The following STARD13 variants were observed in gnomAD, a reference collection of about 807,000 sequenced individuals.
STARD13 encodes the protein stAR-related lipid transfer protein 13.
A neutral mutation model predicts 106.4 loss-of-function variants in STARD13; 62 were observed. The observed-to-expected ratio is 0.58, with a 90% CI of 0.48 to 0.72. The LOEUF is 0.72. Among genes scored for constraint, STARD13 ranks in the 30% least tolerant of loss-of-function variants. The pLI, the probability that STARD13 is intolerant of heterozygous loss-of-function variation, is 0.00. For missense variants in STARD13, 1,387 were observed against 1,424.0 expected (o/e 0.97, Z 0.42); for synonymous variants, 565 against 553.0 (o/e 1.02, Z -0.31).
chr13:33,383,751 T>C, the STARD13 span: 6 of 89,990 alleles, frequency 6.7e-5, no homozygotes, highest in East Asian at 1.8e-3. Flanking sequence ...AGTGAGACTG[T>C]CTCAAAAAAA....
At chr13:33,449,066 C>G in the STARD13 span, among the ~76,000 whole-genome samples, 1 of 151,174 alleles carries the variant, frequency 6.6e-6, no homozygotes, top group Non-Finnish European at 1.5e-5. Context: ...GTTCTATTGT[C>G]CTAAAATGCT....
the STARD13 span, among the ~76,000 whole-genome samples, chr13:33,617,470 T>A: frequency 9.2e-5 from 14 of 152,368 alleles, no homozygotes; most frequent in Admixed American, 2.0e-4. Flanking sequence ...CACACTGTAC[T>A]ACAATAAATC....
chr13:33,180,124 C>T (rs1885085881), intron 1 of STARD13, among the ~76,000 whole-genome samples: 2 of 152,154 alleles, frequency 1.3e-5, no homozygotes, highest in Admixed American at 6.5e-5. Context: ...CTCAGGAAGC[C>T]ATGCTTCACA....
intron 1 of STARD13, among the ~76,000 whole-genome samples, chr13:33,175,276 T>G (rs1028552659): frequency 1.4e-4 from 22 of 152,156 alleles, no homozygotes; most frequent in Admixed American, 2.0e-4. Flanking sequence ...ATCCCCAGCT[T>G]TTTGAAGTTG....
At chr13:33,350,714 C>T (rs1335558262), upstream of STARD13, 6 of 1,037,688 alleles carry the variant, frequency 5.8e-6, no homozygotes, top group Middle Eastern at 4.1e-4. Context: ...CTCCTCCACT[C>T]CCCTCCCTCC....
chr13:33,363,306 T>A, the STARD13 span, among the ~76,000 whole-genome samples: 3 of 152,322 alleles, frequency 2.0e-5, no homozygotes, highest in East Asian at 5.8e-4. Flanking sequence ...AGAGCTATTT[T>A]ATTTCTTAGT....
chr13:33,279,599 C>T (rs1002004227), intron 1 of STARD13: 3 of 152,222 alleles, frequency 2.0e-5, no homozygotes, highest in Non-Finnish European at 2.9e-5. Context: ...ACACCCTGTG[C>T]TACTGTGTCA....
the STARD13 span, among the ~76,000 whole-genome samples, chr13:33,432,755 A>G: frequency 6.6e-6 from 1 of 152,152 alleles, no homozygotes; most frequent in African/African-American, 2.4e-5. Flanking sequence ...TAATGTTTGT[A>G]TTTTCTTTAA....
the STARD13 span, among the ~76,000 whole-genome samples, chr13:33,557,983 T>C: frequency 6.6e-6 from 1 of 152,048 alleles, no homozygotes. Flanking sequence ...CACAAGGGAG[T>C]AAGCTGCCAT....
At chr13:33,639,935 T>C in the STARD13 span, among the ~76,000 whole-genome samples, 1 of 152,222 alleles carries the variant, frequency 6.6e-6, no homozygotes, top group Non-Finnish European at 1.5e-5. Flanking sequence ...GAAACTTTGT[T>C]AAATTGTACT....
the STARD13 span, among the ~76,000 whole-genome samples, chr13:33,580,947 T>TA: frequency 8.5e-5 from 13 of 152,176 alleles, no homozygotes; most frequent in Admixed American, 7.9e-4. Flanking sequence ...AGAATATTCT[T>TA]ACAAAAGTAT....
the STARD13 span, among the ~76,000 whole-genome samples, chr13:33,362,080 T>G: frequency 3.3e-5 from 5 of 152,220 alleles, no homozygotes. Flanking sequence ...TTTGTGTCAC[T>G]ATAAAGAAAT....
At chr13:33,516,878 T>C in the STARD13 span, among the ~76,000 whole-genome samples, 2 of 150,138 alleles carry the variant, frequency 1.3e-5, no homozygotes, top group Non-Finnish European at 3.0e-5. Context: ...CAGTTCGAGG[T>C]TGTAGTGAGC....
At chr13:33,591,929 T>A in the STARD13 span, among the ~76,000 whole-genome samples, 2 of 152,240 alleles carry the variant, frequency 1.3e-5, no homozygotes, top group Admixed American at 1.3e-4. Flanking sequence ...AATTTTATAT[T>A]AATTATGTAT....
chr13:33,257,228 A>G (rs1317214952), intron 1 of STARD13, among the ~76,000 whole-genome samples: 1 of 152,208 alleles, frequency 6.6e-6, no homozygotes, highest in African/African-American at 2.4e-5. Flanking sequence ...TGATAAGACC[A>G]TGAATGGGAA....
At chr13:33,154,987 C>G (rs992515957) in intron 3 of STARD13, among the ~76,000 whole-genome samples, 11 of 152,086 alleles carry the variant, frequency 7.2e-5, no homozygotes, top group Admixed American at 1.3e-4. Flanking sequence ...CTTTCCTTCC[C>G]CTTCCCCTGC....
intron 1 of STARD13, chr13:33,205,992 G>T: frequency 1.0e-6 from 1 of 985,284 alleles, no homozygotes; most frequent in Non-Finnish European, 1.2e-6. Context: ...TCTGTGCTTG[G>T]CTGTTGTCTG....
the STARD13 span, among the ~76,000 whole-genome samples, chr13:33,397,706 G>A: frequency 6.6e-6 from 1 of 152,218 alleles, no homozygotes; most frequent in Non-Finnish European, 1.5e-5. Flanking sequence ...ATTGGTACCT[G>A]TATTAGTCTG....
chr13:33,230,327 C>T (rs7985984), intron 1 of STARD13, among the ~76,000 whole-genome samples: 1 of 152,098 alleles, frequency 6.6e-6, no homozygotes, highest in Non-Finnish European at 1.5e-5. Flanking sequence ...CCAGTACATG[C>T]ACATCCTACC....
Sources: gnomAD v4.1 joint callset for allele counts (sites outside exome capture counted in the v4.1 genomes callset) on GRCh38, gnomAD v4.1.1 for gene constraint, MANE v1.5 for transcripts, NCBI Gene and HGNC (gene_info 2026-07-23, HGNC 2026-07-21) for gene names.